KIF1A: variants seen among roughly 807,000 people sequenced by gnomAD.
KIF1A encodes the protein kinesin-like protein KIF1A.
A neutral mutation model predicts 227.3 loss-of-function variants in KIF1A; 46 were observed. The ratio of observed to expected loss-of-function variants is 0.20; its 90% confidence interval spans 0.16 to 0.26. KIF1A has a LOEUF of 0.26. Ranked by LOEUF, KIF1A falls within the 10% of genes least tolerant of loss-of-function variation. The probability of loss-of-function intolerance (pLI) is 1.00; values close to 1 mark genes in which losing one functional copy is unlikely to be tolerated. For synonymous variants in KIF1A, 1,022 were observed against 1,012.8 expected (o/e 1.01, Z -0.17); for missense variants, 1,683 against 2,485.9 (o/e 0.68, Z 6.87).
intron 32 of KIF1A, 74 bp from the exon 33 acceptor site, chr2:240,744,134 G>C (rs955532270): frequency 1.9e-6 from 2 of 1,036,856 alleles, no homozygotes; most frequent in African/African-American, 3.1e-5. Context: ...AGTCACATCA[G>C]TGAGCTAAGC....
At chr2:240,724,391 C>T (rs2045748700) in intron 40 of KIF1A, 3 of 360,886 alleles carry the variant, frequency 8.3e-6, no homozygotes, top group South Asian at 4.9e-5. Context: ...CCTCAGGCCC[C>T]ATACCCCACA....
chr2:240,765,851 A>C (rs565173832), intron 19 of KIF1A, 58 bp from the exon 20 acceptor site: 5 of 1,324,890 alleles, frequency 3.8e-6, no homozygotes, highest in Non-Finnish European at 5.4e-6. Flanking sequence ...CACCTACAGC[A>C]GCTCGGCTTA....
intron 44 of KIF1A, among the ~76,000 whole-genome samples, 166 bp from the exon 45 acceptor site, chr2:240,721,204 C>G (rs893151020): frequency 7.9e-5 from 12 of 152,338 alleles, no homozygotes; most frequent in Non-Finnish European, 1.8e-4. Context: ...ACCCCCGGCC[C>G]CCTCCAGCCC....
rs1024741478 is a variant in KIF1A, at chr2:240,736,076, G to A, written c.4007+987C>T. Among the ~76,000 whole-genome samples, 3 of 149,650 alleles carry A rather than the reference G, an allele frequency of 2.0e-5. No homozygotes were observed. The highest frequency in any genetic ancestry group is 4.4e-5 in the Non-Finnish European group (3 of 67,674). On this transcript the variant is annotated intron_variant, in intron 38 of 48. Transcript: ENST00000498729. This position sits in a 1 kb window ranked among gnomAD's most constrained non-coding sequence, Gnocchi z 4.7. The stretch of plus-strand genomic sequence containing the variant: ...CCTCCTTACTGCAGTGCTAAGCCCC[G>A]ATAGCCCACTTTCTGGGTGTTGCTG...
chr2:240,802,938 A>G (rs2057094348), intron 1 of KIF1A, among the ~76,000 whole-genome samples: 1 of 152,178 alleles, frequency 6.6e-6, no homozygotes, highest in Non-Finnish European at 1.5e-5. Context: ...CCTCATACAT[A>G]TTCTTTTAAA....
intron 10 of KIF1A, among the ~76,000 whole-genome samples, chr2:240,780,802 ACACACACACACACACACACACACAGCTC>A (rs2053606471): frequency 5.7e-5 from 3 of 52,918 alleles, no homozygotes; most frequent in African/African-American, 2.2e-4. Context: ...ACAGCTCCAC[ACACACACACACACACACACACACAGCTC>A]CACACACACA....
At chr2:240,730,248 A>T (rs369314938) in intron 38 of KIF1A, among the ~76,000 whole-genome samples, 4 of 152,264 alleles carry the variant, frequency 2.6e-5, no homozygotes, top group African/African-American at 7.2e-5. Flanking sequence ...TGGGACCCAC[A>T]TTGCCAGTTG....
At chr2:240,799,545 G>A (rs892298805) in intron 1 of KIF1A, among the ~76,000 whole-genome samples, 9 of 152,220 alleles carry the variant, frequency 5.9e-5, no homozygotes, top group South Asian at 2.1e-4. Flanking sequence ...GAGTGCTTCC[G>A]CCACTATCTC....
Position 240,740,255 on chromosome 2 carries a change from G to C in KIF1A, c.3816+43C>G. The C allele has an allele frequency of 6.3e-7, 1 of 1,585,764 alleles. No homozygotes were observed. The highest frequency in any genetic ancestry group is 8.6e-7 in the Non-Finnish European group (1 of 1,156,892). On this transcript the variant is annotated intron_variant, in intron 36 of 48. Transcript: ENST00000498729. The surrounding 1 kb of genome is among the most constrained non-coding windows in gnomAD (Gnocchi z 6.1). ...GGAGAGGCTCACACCTGGTGGGGTGGGGGAGGGGACACAGGCAGGGTAGGG... is the reference window on the plus strand; with the variant it reads ...GGAGAGGCTCACACCTGGTGGGGTGCGGGAGGGGACACAGGCAGGGTAGGG...
rs2053073980 is a variant in KIF1A, at chr2:240,778,497, C to T, written c.883-2571G>A. Among the ~76,000 whole-genome samples the T allele has an allele frequency of 7.0e-6, 1 of 142,986 alleles. No individual in the cohort carries two copies. The allele number at this position is 142,986 out of a possible 152,430, so 93.8% of individuals were successfully genotyped here. On this transcript the variant is annotated intron_variant, in intron 10 of 48. Coordinates refer to ENST00000498729, the MANE Select transcript of KIF1A (RefSeq NM_001244008.2). The surrounding 1 kb of genome is among the most constrained non-coding windows in gnomAD (Gnocchi z 7.2). ...CAGAGCTCTCAGCAGGCGCTCGCAG[C>T]TCCCGCACAGCGTTACACACACACA...
At chr2:240,782,721 C>G in intron 9 of KIF1A, 114 bp from the exon 10 acceptor site, 2 of 1,133,024 alleles carry the variant, frequency 1.8e-6, no homozygotes, top group Non-Finnish European at 1.3e-6. Flanking sequence ...TCAGGCTCTA[C>G]CACCCCGTGG....
At chr2:240,818,897 T>C (rs1390788918) in intron 1 of KIF1A, 1 of 152,342 alleles carries the variant, frequency 6.6e-6, no homozygotes, top group African/African-American at 2.4e-5. Flanking sequence ...ATTCCAGCAA[T>C]GCAGGCACCC....
rs758558877 is a variant in KIF1A at position 240,767,000 on chromosome 2, C to T, written c.1599G>A (p.Glu533=). The change falls in exon 19 of 49, where the codon GAG becomes GAA. Residue 533 remains glutamate (E), a synonymous_variant. Coordinates refer to ENST00000498729, the MANE Select transcript of KIF1A (RefSeq NM_001244008.2). The surrounding 1 kb of genome is among the most constrained non-coding windows in gnomAD (Gnocchi z 5.0). Reference sequence around the variant, plus strand: ...CACTCAGAACAATGTCCTGCCGCCTCTCGCCATCCTCCCTGCCCACTCTGC... The same window carrying T: ...CACTCAGAACAATGTCCTGCCGCCTTTCGCCATCCTCCCTGCCCACTCTGC... ...GITRVGREDG[E]RRQDIVLSGH... is the part of the protein sequence containing the mutation. 1.4e-5 allele frequency: 23 copies of T among 1,611,422 alleles called. No individual in the cohort carries two copies. Among genetic ancestry groups the T allele is most frequent in the South Asian group, 1.3e-4 (12 of 90,650 alleles).
intron 1 of KIF1A, among the ~76,000 whole-genome samples, chr2:240,816,674 C>G (rs990532371): frequency 6.6e-6 from 1 of 152,166 alleles, no homozygotes; most frequent in African/African-American, 2.4e-5. Flanking sequence ...GGTGAGGAGG[C>G]TTTAGAGAGG....
intron 1 of KIF1A, among the ~76,000 whole-genome samples, chr2:240,813,460 G>T (rs984685911): frequency 6.6e-6 from 1 of 152,204 alleles, no homozygotes; most frequent in Admixed American, 6.5e-5. Flanking sequence ...TAACATGGAA[G>T]CCCGCACCCC....
chr2:240,798,632 T>A (rs1258081723), intron 1 of KIF1A, among the ~76,000 whole-genome samples: 1 of 152,164 alleles, frequency 6.6e-6, no homozygotes, highest in East Asian at 1.9e-4. Flanking sequence ...GTACTGGGAC[T>A]CTGAGGAAGG....
At chr2:240,742,900 C>A (rs927044363) in intron 34 of KIF1A, 29 bp downstream of exon 34, 5 of 1,600,364 alleles carry the variant, frequency 3.1e-6, no homozygotes, top group Admixed American at 3.4e-5. Context: ...AGCTCACTGC[C>A]CTGAGACGGC....
At chr2:240,731,102 T>G (rs2125666630) in intron 38 of KIF1A, among the ~76,000 whole-genome samples, 1 of 151,774 alleles carries the variant, frequency 6.6e-6, no homozygotes, top group South Asian at 2.1e-4. Context: ...AGGGCAAATC[T>G]GCAGTAGATC....
intron 38 of KIF1A, among the ~76,000 whole-genome samples, chr2:240,735,178 G>C (rs1417923322): frequency 1.3e-5 from 2 of 152,176 alleles, no homozygotes; most frequent in Non-Finnish European, 2.9e-5. Flanking sequence ...AGCCAAGCGA[G>C]GGCCAAAGCC....
Sources: gnomAD v4.1 joint callset for allele counts (sites outside exome capture counted in the v4.1 genomes callset) on GRCh38, gnomAD v4.1.1 for gene constraint, Gnocchi (gnomAD v3.1) non-coding constraint, MANE v1.5 for transcripts, NCBI Gene and HGNC (gene_info 2026-07-23, HGNC 2026-07-21) for gene names.